Variants in FGD6 observed in about 807,000 individuals in gnomAD.
FGD6 encodes the protein FYVE, RhoGEF and PH domain containing 6, also known as FYVE, RhoGEF and PH domain-containing protein 6.
FGD6 carries 90 observed loss-of-function variants against 149.4 expected under a neutral mutation model. The ratio of observed to expected loss-of-function variants is 0.60; its 90% CI spans 0.51 to 0.72. The LOEUF (loss-of-function observed/expected upper bound fraction) is 0.72. FGD6 is among the 30% of genes least tolerant of loss of function. FGD6 has a pLI of 0.00. For synonymous variants in FGD6, 527 were observed against 584.0 expected (o/e 0.90, Z 1.41); for missense variants, 1,437 against 1,684.8 (o/e 0.85, Z 2.57).
At chr12:95,122,366 C>T (rs1338412945) in intron 8 of FGD6, among the ~76,000 whole-genome samples, 1 of 152,076 alleles carries the variant, frequency 6.6e-6, no homozygotes, top group Non-Finnish European at 1.5e-5. Flanking sequence ...ATCTGCTATG[C>T]CAGGCACAGT....
intron 1 of FGD6, among the ~76,000 whole-genome samples, chr12:95,213,612 T>C (rs1389486635): frequency 1.3e-5 from 2 of 152,306 alleles, no homozygotes; most frequent in African/African-American, 2.4e-5. Context: ...TCTTAGAACC[T>C]TGTCAGAAGC....
chr12:95,195,456 C>G (rs924737998), intron 2 of FGD6, among the ~76,000 whole-genome samples: 1 of 151,654 alleles, frequency 6.6e-6, no homozygotes, highest in Non-Finnish European at 1.5e-5. Context: ...AGGAAACAAG[C>G]GATGAAAGGC....
At chr12:95,143,695 T>C (rs970574678) in intron 5 of FGD6, among the ~76,000 whole-genome samples, 1 of 152,154 alleles carries the variant, frequency 6.6e-6, no homozygotes, top group Non-Finnish European at 1.5e-5. Context: ...TAAGAGAAAA[T>C]AGAGCCACTT....
At chr12:95,115,013 G>C (rs1400254661) in intron 8 of FGD6, among the ~76,000 whole-genome samples, 1 of 151,998 alleles carries the variant, frequency 6.6e-6, no homozygotes, top group Admixed American at 6.6e-5. Context: ...ACTCTTCAAG[G>C]CTCTTCTTAA....
At chr12:95,177,229 C>T (rs1881159536) in intron 2 of FGD6, among the ~76,000 whole-genome samples, 1 of 152,098 alleles carries the variant, frequency 6.6e-6, no homozygotes, top group African/African-American at 2.4e-5. Context: ...CCAGGTTCAC[C>T]AAAAAACATC....
intron 8 of FGD6, among the ~76,000 whole-genome samples, chr12:95,122,120 A>T (rs1288379680): frequency 1.3e-5 from 2 of 152,238 alleles, no homozygotes; most frequent in East Asian, 3.8e-4. Context: ...ATTATTTAAC[A>T]ATGTACATAT....
rs558577331 is a variant in FGD6, at chr12:95,092,174, C to T, written c.3748-365G>A. Among the ~76,000 whole-genome samples, 376 of 152,328 alleles carry T rather than the reference C, an allele frequency of 2.5e-3. 2 individuals are homozygous for T. Among genetic ancestry groups the T allele is most frequent in the South Asian group, 7.9e-3 (38 of 4,824 alleles). On this transcript the variant is annotated intron_variant, in intron 16 of 20. Transcript: ENST00000343958. ...ATAATCACTGCTGCAGCAACGACCA[C>T]GTCTCTGCAACTCTACCAAGTTTTT...
At chr12:95,117,481 G>A (rs1325061494) in intron 8 of FGD6, among the ~76,000 whole-genome samples, 2 of 151,808 alleles carry the variant, frequency 1.3e-5, no homozygotes, top group Admixed American at 6.6e-5. Flanking sequence ...GGAGTGTGCA[G>A]TGGTGTGACC....
chr12:95,085,638 A>G, intron 19 of FGD6, 142 bp downstream of exon 19: 1 of 875,076 alleles, frequency 1.1e-6, no homozygotes, highest in Non-Finnish European at 1.7e-6. Flanking sequence ...TTCACATTAA[A>G]AATAACAGCA....
chr12:95,148,557 T>C (rs1289029182), intron 5 of FGD6, among the ~76,000 whole-genome samples: 2 of 88,962 alleles, frequency 2.2e-5, no homozygotes, highest in Non-Finnish European at 4.9e-5. Context: ...TTATATTATA[T>C]ATTATATATT....
At chr12:95,205,818 T>C (rs2056689930) in intron 2 of FGD6, among the ~76,000 whole-genome samples, 1 of 152,190 alleles carries the variant, frequency 6.6e-6, no homozygotes, top group Admixed American at 6.5e-5. Context: ...CTCTGGCACA[T>C]TTTAGTAGTC....
intron 8 of FGD6, among the ~76,000 whole-genome samples, chr12:95,125,412 C>T (rs1200270442): frequency 6.6e-6 from 1 of 152,092 alleles, no homozygotes; most frequent in Admixed American, 6.6e-5. Context: ...GTGGAAGGAT[C>T]CCCTGAACCC....
rs780140840 is a variant in FGD6 at position 95,108,525 on chromosome 12, G to C, written c.3170C>G (p.Ala1057Gly). The change falls in exon 10 of 21, where the codon GCC becomes GGC. Residue 1057 changes from alanine (A) to glycine (G), a missense_variant. Physicochemically the swap from Ala to Gly is moderately conservative, Grantham distance 60. This residue lies in a region of FGD6 where 382 missense variants were observed against 538.7 expected (regional missense o/e 0.71). Transcript: ENST00000343958. ...TACTCCTTGCTTCATGGTGTCATTG[G>C]CGTGGTTGGCTACCTCTATAACAAC... Reference protein sequence around the residue: ...LAVVIEVANHANDTMKQGDNF... With the variant: ...LAVVIEVANHGNDTMKQGDNF... The C allele has an allele frequency of 6.2e-7, 1 of 1,614,096 alleles. No individual in the cohort carries two copies. Among genetic ancestry groups the C allele is most frequent in the Non-Finnish European group, 8.5e-7 (1 of 1,179,984 alleles).
intron 18 of FGD6, among the ~76,000 whole-genome samples, chr12:95,089,211 C>T (rs919102758): frequency 3.3e-5 from 5 of 152,166 alleles, no homozygotes; most frequent in Non-Finnish European, 7.4e-5. Context: ...ACAAATAAAC[C>T]GTGCAGATCA....
intron 3 of FGD6, among the ~76,000 whole-genome samples, chr12:95,163,823 A>T (rs1015284757): frequency 6.6e-6 from 1 of 152,226 alleles, no homozygotes; most frequent in Non-Finnish European, 1.5e-5. Context: ...GAGGTATAAA[A>T]ATTATTAGAA....
chr12:95,199,063 G>C (rs1415015547), intron 2 of FGD6, among the ~76,000 whole-genome samples: 1 of 152,198 alleles, frequency 6.6e-6, no homozygotes, highest in Non-Finnish European at 1.5e-5. Flanking sequence ...AAAGTGCAAT[G>C]ATGCAAGTAA....
chr12:95,152,538 T>C (rs974420942), intron 5 of FGD6, among the ~76,000 whole-genome samples: 5 of 152,218 alleles, frequency 3.3e-5, no homozygotes, highest in African/African-American at 1.2e-4. Flanking sequence ...TCTTCATGTA[T>C]TGCTAATGCA....
rs568035395 is a variant in FGD6 at position 95,111,543 on chromosome 12, C to T, written c.3133+2108G>A. 1.2e-4 allele frequency among the ~76,000 whole-genome samples: 19 copies of T among 152,188 alleles called. No individual in the cohort carries two copies. In the Middle Eastern group the frequency reaches 0.014, roughly 109 times the overall value. ...GTATCCTCACGAGAGGGGCTGCCGTCGGGAATGCTCATTTTTCCTCTCACC... is the reference window on the plus strand; with the variant it reads ...GTATCCTCACGAGAGGGGCTGCCGTTGGGAATGCTCATTTTTCCTCTCACC... On this transcript the variant is annotated intron_variant, in intron 9 of 20. Transcript: ENST00000343958.
intron 2 of FGD6, among the ~76,000 whole-genome samples, chr12:95,202,359 C>T (rs1330622137): frequency 3.0e-5 from 4 of 133,034 alleles, no homozygotes; most frequent in Non-Finnish European, 6.6e-5. Context: ...TGCACACCAG[C>T]CTGGGCGACA....
Sources: allele counts gnomAD v4.1 joint callset (sites outside exome capture counted in the v4.1 genomes callset), GRCh38; gene constraint gnomAD v4.1.1; regional missense constraint gnomAD v4.1.1; transcripts MANE v1.5; gene names NCBI Gene and HGNC (gene_info 2026-07-23, HGNC 2026-07-21).